The following PRDM1 variants were observed in gnomAD, a reference collection of about 807,000 sequenced individuals.
The protein encoded by PRDM1 is PR/SET domain 1, also known as PR domain zinc finger protein 1.
In PRDM1, 13 loss-of-function variants were observed where a neutral mutation model predicts 62.8. The observed-to-expected ratio is 0.21, with a 90% CI of 0.13 to 0.33. The LOEUF is 0.33. Among genes scored for constraint, PRDM1 ranks in the 10% least tolerant of loss-of-function variants. The probability of loss-of-function intolerance (pLI) is 1.00; values close to 1 mark genes in which losing one functional copy is unlikely to be tolerated. For synonymous variants in PRDM1, 396 were observed against 417.6 expected (o/e 0.95, Z 0.63); for missense variants, 895 against 1,058.8 (o/e 0.85, Z 2.15).
chr6:105,999,170 C>T (rs1582421025), intron 1 of PRDM1, among the ~76,000 whole-genome samples: 1 of 151,654 alleles, frequency 6.6e-6, no homozygotes, highest in South Asian at 2.1e-4. Context: ...AACTCCTGGG[C>T]TCAAGTGATC....
chr6:106,080,122 GA>G (rs1221033699), intron 1 of PRDM1, among the ~76,000 whole-genome samples: 1 of 152,214 alleles, frequency 6.6e-6, no homozygotes, highest in African/African-American at 2.4e-5. Context: ...GGGTGAGAAT[GA>G]AGGCTTTACT....
chr6:106,042,457 G>A (rs1773014001), intron 1 of PRDM1, among the ~76,000 whole-genome samples: 1 of 151,644 alleles, frequency 6.6e-6, no homozygotes, highest in Admixed American at 6.6e-5. Context: ...AACCTGGGAG[G>A]TGGAGGTTGC....
chr6:106,056,680 T>C (rs1773271703), intron 1 of PRDM1, among the ~76,000 whole-genome samples: 1 of 152,234 alleles, frequency 6.6e-6, no homozygotes, highest in Admixed American at 6.5e-5. Flanking sequence ...GTTTGAGCTA[T>C]AACACAAAGC....
intron 1 of PRDM1, among the ~76,000 whole-genome samples, chr6:106,059,202 G>C (rs1324351283): frequency 1.3e-5 from 2 of 152,078 alleles, no homozygotes; most frequent in Non-Finnish European, 2.9e-5. Flanking sequence ...TTTCAGGTAA[G>C]ATAAAAAAGA....
intron 1 of PRDM1, among the ~76,000 whole-genome samples, chr6:106,036,359 C>T (rs1241989695): frequency 1.3e-5 from 2 of 152,102 alleles, no homozygotes; most frequent in African/African-American, 2.4e-5. Context: ...CATCATGTTG[C>T]CCAGGCTAGA....
At chr6:106,040,826 A>T (rs1209788127) in intron 1 of PRDM1, among the ~76,000 whole-genome samples, 1 of 152,226 alleles carries the variant, frequency 6.6e-6, no homozygotes, top group African/African-American at 2.4e-5. Context: ...GTTTTCTGTC[A>T]TTGTTTTGGA....
chr6:106,050,096 G>T (rs1422168340), intron 1 of PRDM1, among the ~76,000 whole-genome samples: 1 of 152,144 alleles, frequency 6.6e-6, no homozygotes, highest in Non-Finnish European at 1.5e-5. Context: ...ACTTGGAAAA[G>T]TCACCTCATC....
chr6:106,040,532 G>A (rs1473847361), intron 1 of PRDM1, among the ~76,000 whole-genome samples: 1 of 152,156 alleles, frequency 6.6e-6, no homozygotes, highest in Non-Finnish European at 1.5e-5. Flanking sequence ...AAGAATCCTG[G>A]CAGCAGCAGC....
chr6:106,030,112 T>C (rs1437127713), intron 1 of PRDM1, among the ~76,000 whole-genome samples: 4 of 152,246 alleles, frequency 2.6e-5, no homozygotes, highest in Non-Finnish European at 5.9e-5. Context: ...GCATAAGTCC[T>C]ATGTTTGATA....
At chr6:106,061,881 A>G (rs892912268) in intron 1 of PRDM1, among the ~76,000 whole-genome samples, 52 of 152,228 alleles carry the variant, frequency 3.4e-4, no homozygotes, top group African/African-American at 1.2e-3. Flanking sequence ...GAGGCCTAGA[A>G]GTGAAGTGAC....
At chr6:106,015,112 G>A (rs532475653) in intron 1 of PRDM1, among the ~76,000 whole-genome samples, 21 of 152,288 alleles carry the variant, frequency 1.4e-4, no homozygotes, top group African/African-American at 3.6e-4. Flanking sequence ...TCAAAGGTGG[G>A]GAGGTTGCGT....
intron 2 of PRDM1, among the ~76,000 whole-genome samples, chr6:106,089,960 A>C (rs1773917684): frequency 6.6e-6 from 1 of 152,178 alleles, no homozygotes; most frequent in Non-Finnish European, 1.5e-5. Flanking sequence ...TTAATTCTAT[A>C]ATGTTCTTAT....
chr6:106,083,236 T>C (rs1582456076), upstream of PRDM1, among the ~76,000 whole-genome samples: 1 of 10,410 alleles, frequency 9.6e-5, no homozygotes, highest in Non-Finnish European at 1.7e-4. Flanking sequence ...GGGTGGGTGG[T>C]AGGGAGTAGG....
intron 1 of PRDM1, among the ~76,000 whole-genome samples, chr6:106,060,023 G>A (rs745858321): frequency 9.2e-5 from 14 of 152,306 alleles, no homozygotes; most frequent in Non-Finnish European, 1.8e-4. Flanking sequence ...TGGCAAGTAG[G>A]AAGCTGTTTA....
At chr6:106,015,816 T>TA (rs1239107659) in intron 1 of PRDM1, among the ~76,000 whole-genome samples, 1 of 152,088 alleles carries the variant, frequency 6.6e-6, no homozygotes, top group Non-Finnish European at 1.5e-5. Context: ...GTGTGATTTT[T>TA]AAAAAATTGT....
intron 1 of PRDM1, among the ~76,000 whole-genome samples, chr6:106,074,260 A>G (rs1213307755): frequency 2.0e-5 from 3 of 152,198 alleles, no homozygotes; most frequent in African/African-American, 7.2e-5. Context: ...ACCAAAAGAA[A>G]ATTACTTTCC....
intron 1 of PRDM1, 167 bp from the exon 2 acceptor site, chr6:106,088,034 T>G (rs1773856119): frequency 2.0e-6 from 1 of 498,978 alleles, no homozygotes; most frequent in Non-Finnish European, 3.1e-6. Context: ...CTTGCTTCTT[T>G]TCAAGGCAGT....
intron 1 of PRDM1, among the ~76,000 whole-genome samples, chr6:106,024,370 A>G (rs1054072314): frequency 4.6e-5 from 7 of 152,142 alleles, no homozygotes; most frequent in Non-Finnish European, 1.0e-4. Flanking sequence ...TTTCTTCACT[A>G]CATTTCCTCT....
At chr6:106,045,654 A>T (rs1773062382), upstream of PRDM1, 2 of 152,210 alleles carry the variant, frequency 1.3e-5, no homozygotes, top group South Asian at 4.1e-4. Context: ...TTAAGAAACA[A>T]TGGAGAGACA....
Sources: allele counts gnomAD v4.1 joint callset (sites outside exome capture counted in the v4.1 genomes callset), GRCh38; gene constraint gnomAD v4.1.1; transcripts MANE v1.5; gene names NCBI Gene and HGNC (gene_info 2026-07-23, HGNC 2026-07-21).